LBH: variants seen among roughly 807,000 people sequenced by gnomAD.
LBH encodes protein LBH.
Under a neutral mutation model 12.5 loss-of-function variants are expected in LBH, and 7 were observed. The observed-to-expected ratio is 0.56, with a 90% CI of 0.32 to 1.05. The LOEUF (loss-of-function observed/expected upper bound fraction) is 1.05. LBH is among the 50% of genes least tolerant of loss of function. LBH has a pLI of 0.04. For synonymous variants in LBH, 51 were observed against 50.1 expected (o/e 1.02, Z -0.08); for missense variants, 119 against 138.9 (o/e 0.86, Z 0.72).
intron 2 of LBH, among the ~76,000 whole-genome samples, chr2:30,242,111 T>C (rs771288589): frequency 6.6e-6 from 1 of 152,306 alleles, no homozygotes; most frequent in South Asian, 2.1e-4. Flanking sequence ...TTATATACAG[T>C]TTTTTATAAA....
chr2:30,255,243 G>A (rs115544574), intron 2 of LBH, among the ~76,000 whole-genome samples: 1 of 152,330 alleles, frequency 6.6e-6, no homozygotes, highest in African/African-American at 2.4e-5. Context: ...GCCCATGGGG[G>A]GCTCTGGCCC....
intron 1 of LBH, 161 bp from the exon 2 acceptor site, chr2:30,234,244 C>G (rs952795456): frequency 4.9e-6 from 3 of 607,362 alleles, no homozygotes; most frequent in Non-Finnish European, 8.9e-6. Context: ...GCTTGCAAGG[C>G]GCTTCCTCAG....
intron 2 of LBH, among the ~76,000 whole-genome samples, chr2:30,237,027 A>G (rs1677700103): frequency 6.6e-6 from 1 of 152,140 alleles, no homozygotes; most frequent in African/African-American, 2.4e-5. Flanking sequence ...GTCCAATTAG[A>G]CACATTCCCA....
intron 2 of LBH, among the ~76,000 whole-genome samples, chr2:30,243,771 C>T (rs1677827845): frequency 1.3e-5 from 2 of 152,016 alleles, no homozygotes. Context: ...TCAGGTGATC[C>T]ACCTGCCTCA....
At chr2:30,244,407 C>T (rs939933166) in intron 2 of LBH, among the ~76,000 whole-genome samples, 6 of 152,198 alleles carry the variant, frequency 3.9e-5, no homozygotes, top group Admixed American at 2.0e-4. Flanking sequence ...TTCACAGACA[C>T]TTTCCAAAGG....
chr2:30,254,935 AGAGTCTTACTCTCCCTCC>A, intron 2 of LBH, among the ~76,000 whole-genome samples: 1 of 152,384 alleles, frequency 6.6e-6, no homozygotes, highest in Non-Finnish European at 1.5e-5. Flanking sequence ...GTGAAGGCCC[AGAGTCTTACTCTCCCTCC>A]CTGCTCAGTT....
At chr2:30,235,475 T>C (rs1301004668) in intron 2 of LBH, among the ~76,000 whole-genome samples, 1 of 152,078 alleles carries the variant, frequency 6.6e-6, no homozygotes, top group African/African-American at 2.4e-5. Flanking sequence ...GCTGCCTTGC[T>C]CACATCTTAC....
chr2:30,257,638 C>T lies in LBH; in HGVS notation c.*17C>T, dbSNP rs1403046546. ...GAGCAGTAGAGTCCCTGTGGACTCCCATGGGTCATACCAGCCAGCATCTGT... is the reference window on the plus strand; with the variant it reads ...GAGCAGTAGAGTCCCTGTGGACTCCTATGGGTCATACCAGCCAGCATCTGT... On this transcript the variant is annotated 3_prime_UTR_variant, in exon 3 of 3. Coordinates refer to ENST00000395323, the MANE Select transcript of LBH (RefSeq NM_030915.4). 1.3e-6 allele frequency: 2 copies of T among 1,559,790 alleles called. No homozygotes were observed. The highest frequency in any genetic ancestry group is 1.8e-6 in the Non-Finnish European group (2 of 1,142,560).
intron 1 of LBH, chr2:30,232,133 C>G: frequency 6.5e-7 from 1 of 1,545,872 alleles, no homozygotes; most frequent in African/African-American, 1.4e-5. Flanking sequence ...CTGCTCTTCC[C>G]GGGCCCCTCC....
intron 2 of LBH, among the ~76,000 whole-genome samples, chr2:30,255,706 T>C (rs945915698): frequency 6.6e-5 from 10 of 152,232 alleles, no homozygotes; most frequent in African/African-American, 2.2e-4. Context: ...TAAGACCGGG[T>C]ATCCTCAGAG....
intron 2 of LBH, among the ~76,000 whole-genome samples, chr2:30,254,982 G>A (rs1008296058): frequency 2.0e-5 from 3 of 152,246 alleles, no homozygotes; most frequent in Admixed American, 6.5e-5. Flanking sequence ...GTGAAATGGG[G>A]TGGAGACCCA....
intron 2 of LBH, among the ~76,000 whole-genome samples, chr2:30,244,197 C>T (rs576039549): frequency 2.0e-5 from 3 of 152,182 alleles, no homozygotes; most frequent in Non-Finnish European, 4.4e-5. Context: ...ACAGCACAAT[C>T]CTTTTAGGAT....
chr2:30,236,839 G>T (rs1677695882), intron 2 of LBH, among the ~76,000 whole-genome samples: 1 of 152,214 alleles, frequency 6.6e-6, no homozygotes, highest in African/African-American at 2.4e-5. Context: ...GACTGGGGCT[G>T]GGCTCTGAAA....
At chr2:30,238,136 G>T (rs1014303477) in intron 2 of LBH, among the ~76,000 whole-genome samples, 1 of 152,184 alleles carries the variant, frequency 6.6e-6, no homozygotes, top group Admixed American at 6.5e-5. Flanking sequence ...CTCCTTCGAT[G>T]CTGTGCCCGA....
chr2:30,236,203 A>C (rs1677686923), intron 2 of LBH, among the ~76,000 whole-genome samples: 1 of 152,220 alleles, frequency 6.6e-6, no homozygotes, highest in South Asian at 2.1e-4. Context: ...CCCAGGATAA[A>C]GGGCCAGGCC....
At chr2:30,251,284 C>A (rs144455475) in intron 2 of LBH, among the ~76,000 whole-genome samples, 1 of 151,862 alleles carries the variant, frequency 6.6e-6, no homozygotes, top group African/African-American at 2.4e-5. Context: ...TACTGGACAG[C>A]GCAGATAGAG....
chr2:30,253,449 C>T (rs1002006976), intron 2 of LBH, among the ~76,000 whole-genome samples: 6 of 151,980 alleles, frequency 3.9e-5, no homozygotes, highest in South Asian at 2.1e-4. Flanking sequence ...TGGAAGGGTT[C>T]GATTATTGTA....
intron 2 of LBH, among the ~76,000 whole-genome samples, chr2:30,236,325 G>A (rs1272139566): frequency 6.6e-6 from 1 of 152,196 alleles, no homozygotes; most frequent in Admixed American, 6.5e-5. Flanking sequence ...CCAACCTGGG[G>A]CTGCAAGGGC....
intron 2 of LBH, among the ~76,000 whole-genome samples, chr2:30,254,839 G>T (rs917964075): frequency 2.0e-5 from 3 of 152,226 alleles, no homozygotes; most frequent in African/African-American, 4.8e-5. Flanking sequence ...AGCTTATGGC[G>T]CTGTCTTGGA....
Sources: allele counts gnomAD v4.1 joint callset (sites outside exome capture counted in the v4.1 genomes callset), GRCh38; gene constraint gnomAD v4.1.1; transcripts MANE v1.5; gene names NCBI Gene and HGNC (gene_info 2026-07-23, HGNC 2026-07-21).